PLA2G4A: variants seen among roughly 807,000 people sequenced by gnomAD.
PLA2G4A encodes phospholipase A2 group IVA.
Under a neutral mutation model 81.9 loss-of-function variants are expected in PLA2G4A, and 40 were observed. The ratio of observed to expected loss-of-function variants is 0.49; its 90% CI spans 0.38 to 0.64. PLA2G4A has a LOEUF of 0.64. PLA2G4A is among the 30% of genes least tolerant of loss of function. PLA2G4A has a pLI of 0.00. For synonymous variants in PLA2G4A, 302 were observed against 296.9 expected (o/e 1.02, Z -0.18); for missense variants, 715 against 905.1 (o/e 0.79, Z 2.69).
intron 3 of PLA2G4A, among the ~76,000 whole-genome samples, chr1:186,874,631 C>A (rs1653404160): frequency 6.6e-6 from 1 of 152,044 alleles, no homozygotes; most frequent in Non-Finnish European, 1.5e-5. Context: ...GAATTAGCAT[C>A]ATAAACATTA....
chr1:186,917,946 G>C (rs1342401560), intron 7 of PLA2G4A, among the ~76,000 whole-genome samples: 1 of 152,158 alleles, frequency 6.6e-6, no homozygotes, highest in Non-Finnish European at 1.5e-5. Context: ...AGAAGTACCG[G>C]CCTAACAATT....
chr1:186,906,885 A>G (rs771362969), intron 5 of PLA2G4A, 80 bp from the exon 6 acceptor site: 10 of 757,926 alleles, frequency 1.3e-5, no homozygotes, highest in Admixed American at 2.2e-5. Flanking sequence ...CTGGCACTCA[A>G]AATTTATTTT....
At chr1:186,937,855 A>G (rs551109448) in intron 8 of PLA2G4A, among the ~76,000 whole-genome samples, 2 of 152,170 alleles carry the variant, frequency 1.3e-5, no homozygotes, top group African/African-American at 4.8e-5. Context: ...TTAAAATAGA[A>G]TATTTGAAAG....
chr1:186,919,337 C>T (rs1300021487), intron 7 of PLA2G4A, among the ~76,000 whole-genome samples: 1 of 152,204 alleles, frequency 6.6e-6, no homozygotes, highest in African/African-American at 2.4e-5. Flanking sequence ...TTCTTTCTGA[C>T]CCCAGGCTGC....
chr1:186,968,645 C>A (rs1464392392), intron 15 of PLA2G4A, among the ~76,000 whole-genome samples: 2 of 151,702 alleles, frequency 1.3e-5, no homozygotes, highest in Non-Finnish European at 2.9e-5. Context: ...TAACAATGCT[C>A]TATTTTCAAC....
At chr1:186,914,583 G>A (rs1655075352) in intron 7 of PLA2G4A, among the ~76,000 whole-genome samples, 1 of 152,016 alleles carries the variant, frequency 6.6e-6, no homozygotes. Flanking sequence ...CATGACTGGG[G>A]GCTGCATGCA....
intron 2 of PLA2G4A, among the ~76,000 whole-genome samples, 195 bp from the exon 3 acceptor site, chr1:186,870,240 T>A (rs945416268): frequency 6.6e-6 from 1 of 152,142 alleles, no homozygotes; most frequent in Non-Finnish European, 1.5e-5. Context: ...GTAGTGACAT[T>A]TTAAGGCACA....
intron 1 of PLA2G4A, among the ~76,000 whole-genome samples, chr1:186,831,203 T>C (rs1156687654): frequency 2.0e-5 from 3 of 152,094 alleles, no homozygotes; most frequent in African/African-American, 7.2e-5. Context: ...CAAAGACAAT[T>C]CATATTACAT....
At chr1:186,862,223 C>CTTT (rs66584780) in intron 2 of PLA2G4A, among the ~76,000 whole-genome samples, 1 of 126,308 alleles carries the variant, frequency 7.9e-6, no homozygotes, top group African/African-American at 3.0e-5. Flanking sequence ...TAGTTATGAA[C>CTTT]TTTTTTTTTG....
chr1:186,872,985 T>G (rs1653336322), intron 3 of PLA2G4A, among the ~76,000 whole-genome samples: 1 of 152,088 alleles, frequency 6.6e-6, no homozygotes, highest in South Asian at 2.1e-4. Context: ...ATTCAGCATT[T>G]GTAATTGGAT....
At chr1:186,918,258 TC>T (rs1221153757) in intron 7 of PLA2G4A, among the ~76,000 whole-genome samples, 3 of 152,164 alleles carry the variant, frequency 2.0e-5, no homozygotes, top group Non-Finnish European at 4.4e-5. Context: ...CTCGCTGGTG[TC>T]CCCTGCAGTG....
At chr1:186,887,709 G>A (rs1571368382) in intron 3 of PLA2G4A, among the ~76,000 whole-genome samples, 1 of 152,150 alleles carries the variant, frequency 6.6e-6, no homozygotes, top group East Asian at 1.9e-4. Flanking sequence ...TAATGTACAG[G>A]AAAAAACAAA....
intron 5 of PLA2G4A, among the ~76,000 whole-genome samples, chr1:186,898,206 G>A (rs2102125099): frequency 6.6e-6 from 1 of 152,120 alleles, no homozygotes; most frequent in South Asian, 2.1e-4. Context: ...AATAGATTGT[G>A]TTATTAATAT....
chr1:186,833,234 A>C (rs939724513), intron 1 of PLA2G4A, among the ~76,000 whole-genome samples: 1 of 152,102 alleles, frequency 6.6e-6, no homozygotes. Flanking sequence ...TCTTATTAAA[A>C]ATTTTGAAAA....
intron 12 of PLA2G4A, among the ~76,000 whole-genome samples, chr1:186,950,437 T>C (rs1328356285): frequency 6.6e-6 from 1 of 152,174 alleles, no homozygotes; most frequent in Non-Finnish European, 1.5e-5. Flanking sequence ...TTAATAAATA[T>C]AAACTAATTT....
chr1:186,851,817 C>G (rs148694451), intron 1 of PLA2G4A, among the ~76,000 whole-genome samples: 316 of 151,898 alleles, frequency 2.1e-3, no homozygotes, highest in African/African-American at 7.3e-3. Context: ...TAATCAAAGA[C>G]ACAATACAGT....
At chr1:186,840,774 C>T (rs1050109152) in intron 1 of PLA2G4A, among the ~76,000 whole-genome samples, 19 of 152,074 alleles carry the variant, frequency 1.2e-4, no homozygotes, top group Non-Finnish European at 2.4e-4. Context: ...AACTGTTTAC[C>T]TTAGAAAAAA....
At chr1:186,972,468 G>A (rs6700651) in intron 15 of PLA2G4A, among the ~76,000 whole-genome samples, 149,718 of 152,236 alleles carry the variant, frequency 0.98, 73,635 homozygotes, top group East Asian at 1. Context: ...TTTGGGTTTT[G>A]TCGGGGAGCA....
At chr1:186,958,167 T>TTTA (rs1371564843) in intron 14 of PLA2G4A, among the ~76,000 whole-genome samples, 1 of 152,194 alleles carries the variant, frequency 6.6e-6, no homozygotes, top group Admixed American at 6.5e-5. Flanking sequence ...TTGTGTTATG[T>TTTA]TTATGGCATC....
Sources: gnomAD v4.1 joint callset for allele counts (sites outside exome capture counted in the v4.1 genomes callset) on GRCh38, gnomAD v4.1.1 for gene constraint, MANE v1.5 for transcripts, NCBI Gene and HGNC (gene_info 2026-07-23, HGNC 2026-07-21) for gene names.